Variants in SPAG16 observed in about 807,000 individuals in gnomAD.
SPAG16 encodes sperm associated antigen 16.
A neutral mutation model predicts 80.4 loss-of-function variants in SPAG16; 86 were observed. That is an observed-to-expected ratio of 1.07 (90% CI 0.90 to 1.28). The LOEUF (loss-of-function observed/expected upper bound fraction) is 1.28, where lower values mean the gene tolerates loss of function less well. Among genes scored for constraint, SPAG16 ranks in the 50% most tolerant of loss-of-function variants. The pLI is 0.00. For synonymous variants in SPAG16, 294 were observed against 265.9 expected (o/e 1.11, Z -1.03); for missense variants, 870 against 765.3 (o/e 1.14, Z -1.61).
chr2:213,763,569 TA>T (rs1243818307), intron 10 of SPAG16, among the ~76,000 whole-genome samples: 1 of 152,128 alleles, frequency 6.6e-6, no homozygotes, highest in African/African-American at 2.4e-5. Flanking sequence ...TATGCAACAT[TA>T]AAAAGTTCTA....
chr2:213,621,908 T>G (rs1315775364), intron 10 of SPAG16, among the ~76,000 whole-genome samples: 1 of 152,196 alleles, frequency 6.6e-6, no homozygotes, highest in Non-Finnish European at 1.5e-5. Flanking sequence ...GAACCAGGAC[T>G]ACATTTTTTA....
chr2:213,284,770 C>A, intron 1 of SPAG16, 151 bp downstream of exon 1: 2 of 1,140,476 alleles, frequency 1.8e-6, no homozygotes, highest in Non-Finnish European at 1.2e-6. Context: ...TTTGCCACCA[C>A]AGTCTTCCTG....
chr2:213,291,053 C>G (rs1020691338), intron 1 of SPAG16, among the ~76,000 whole-genome samples: 3 of 152,168 alleles, frequency 2.0e-5, no homozygotes, highest in Non-Finnish European at 4.4e-5. Flanking sequence ...TGGGTCGATA[C>G]AGAGATGGTA....
rs188829887 is a variant in SPAG16 at position 214,326,805 on chromosome 2, C to T, written c.1721-83335C>T. ...CTAAAAATACAAAAAATTACCCGGG[C>T]GTGGTGGCGGGCGCCTGTGGTCCCA... On this transcript the variant is annotated intron_variant, in intron 15 of 15. Transcript: ENST00000331683. Among the ~76,000 whole-genome samples, 26 of 151,760 alleles carry T rather than the reference C, an allele frequency of 1.7e-4. No individual in the cohort carries two copies. In the East Asian group the frequency reaches 4.9e-3, roughly 28 times the overall value.
At chr2:213,396,783 C>CT (rs980713495) in intron 9 of SPAG16, 2 of 377,852 alleles carry the variant, frequency 5.3e-6, no homozygotes, top group Admixed American at 5.4e-5. Context: ...CCAATCCTCC[C>CT]TTTCGTCAAC....
chr2:213,376,990 A>G (rs987661232), intron 9 of SPAG16, among the ~76,000 whole-genome samples: 5 of 152,128 alleles, frequency 3.3e-5, no homozygotes, highest in Middle Eastern at 3.4e-3. Flanking sequence ...GTATTCTCAT[A>G]TTTTCCTTCA....
chr2:214,253,247 G>A (rs543821086), intron 15 of SPAG16, among the ~76,000 whole-genome samples: 2 of 152,088 alleles, frequency 1.3e-5, no homozygotes, highest in Non-Finnish European at 2.9e-5. Context: ...CTCCCATTCT[G>A]TAGGTTGCCT....
At chr2:214,202,891 C>T (rs950202138) in intron 15 of SPAG16, among the ~76,000 whole-genome samples, 3 of 151,892 alleles carry the variant, frequency 2.0e-5, no homozygotes, top group East Asian at 1.9e-4. Flanking sequence ...AGATGTTTTC[C>T]GGCTATCTCC....
At chr2:214,285,422 A>G (rs1160421869) in intron 15 of SPAG16, among the ~76,000 whole-genome samples, 1 of 151,948 alleles carries the variant, frequency 6.6e-6, no homozygotes. Flanking sequence ...TTTTTTCCCA[A>G]TCCATGAGTT....
chr2:213,632,589 T>C (rs924148153), intron 10 of SPAG16, among the ~76,000 whole-genome samples: 8 of 152,314 alleles, frequency 5.3e-5, no homozygotes, highest in Admixed American at 3.3e-4. Flanking sequence ...CTATTCAGTA[T>C]GATACTGGCT....
intron 10 of SPAG16, among the ~76,000 whole-genome samples, chr2:213,803,855 A>T (rs2071572732): frequency 6.6e-6 from 1 of 152,204 alleles, no homozygotes; most frequent in Non-Finnish European, 1.5e-5. Context: ...CTCCCACCTC[A>T]GTATATACAA....
chr2:213,906,488 A>AC (rs2077440405), intron 11 of SPAG16, among the ~76,000 whole-genome samples: 1 of 152,170 alleles, frequency 6.6e-6, no homozygotes, highest in Non-Finnish European at 1.5e-5. Flanking sequence ...AATACCAATT[A>AC]CATTATTCAC....
At chr2:213,601,279 T>C (rs1413897703) in intron 10 of SPAG16, among the ~76,000 whole-genome samples, 1 of 152,184 alleles carries the variant, frequency 6.6e-6, no homozygotes, top group Non-Finnish European at 1.5e-5. Flanking sequence ...AAAGGGAATT[T>C]CAGAGACCAA....
chr2:213,561,991 C>A (rs1238920320), intron 10 of SPAG16, among the ~76,000 whole-genome samples: 1 of 152,158 alleles, frequency 6.6e-6, no homozygotes, highest in South Asian at 2.1e-4. Context: ...TCATTTTGCT[C>A]TAGCGAAAGT....
At chr2:213,671,719 G>A (rs112317786) in intron 10 of SPAG16, among the ~76,000 whole-genome samples, 140 of 152,190 alleles carry the variant, frequency 9.2e-4, no homozygotes, top group Middle Eastern at 3.4e-3. Context: ...CGCACCTTTG[G>A]TATAATCAGT....
At chr2:213,464,007 T>C (rs2125624953) in intron 9 of SPAG16, among the ~76,000 whole-genome samples, 1 of 151,828 alleles carries the variant, frequency 6.6e-6, no homozygotes, top group South Asian at 2.1e-4. Flanking sequence ...AAAGGAAGAG[T>C]CCTTACTAGT....
chr2:214,398,841 C>A (rs1701544473), intron 15 of SPAG16, among the ~76,000 whole-genome samples: 1 of 152,134 alleles, frequency 6.6e-6, no homozygotes, highest in Admixed American at 6.5e-5. Context: ...TGGTTGGCAT[C>A]CTTGTTCAAA....
At chr2:213,989,842 A>G (rs2106446746) in intron 12 of SPAG16, among the ~76,000 whole-genome samples, 1 of 152,278 alleles carries the variant, frequency 6.6e-6, no homozygotes, top group East Asian at 1.9e-4. Flanking sequence ...ATGGTTAATG[A>G]GCCCAGAGTC....
chr2:214,275,302 T>A (rs1692379383), intron 15 of SPAG16, among the ~76,000 whole-genome samples: 1 of 152,226 alleles, frequency 6.6e-6, no homozygotes, highest in Admixed American at 6.5e-5. Flanking sequence ...CTCCTTCAGA[T>A]CTGCTCTGAT....
Sources: allele counts gnomAD v4.1 joint callset (sites outside exome capture counted in the v4.1 genomes callset), GRCh38; gene constraint gnomAD v4.1.1; transcripts MANE v1.5; gene names NCBI Gene and HGNC (gene_info 2026-07-23, HGNC 2026-07-21).